ELP4: variants seen among roughly 807,000 people sequenced by gnomAD.
ELP4 encodes the protein elongator complex protein 4.
Under a neutral mutation model 48.9 loss-of-function variants are expected in ELP4, and 51 were observed. The observed-to-expected ratio is 1.04, with a 90% CI of 0.83 to 1.32. ELP4 has a LOEUF of 1.32. ELP4 is among the 40% of genes most tolerant of loss of function. The pLI is 0.00. For synonymous variants in ELP4, 210 were observed against 189.2 expected (o/e 1.11, Z -0.90); for missense variants, 519 against 514.6 (o/e 1.01, Z -0.08).
intron 9 of ELP4, among the ~76,000 whole-genome samples, chr11:31,669,603 A>G (rs1038689045): frequency 6.6e-6 from 1 of 152,164 alleles, no homozygotes; most frequent in African/African-American, 2.4e-5. Flanking sequence ...GTCTGTCTTC[A>G]CCATACCATA....
intron 7 of ELP4, among the ~76,000 whole-genome samples, chr11:31,635,471 C>T (rs576644980): frequency 3.3e-5 from 5 of 152,028 alleles, no homozygotes; most frequent in East Asian, 3.9e-4. Flanking sequence ...ATAATCTTAA[C>T]GCCACTGTGC....
At chr11:31,755,942 A>G (rs200789741) in intron 9 of ELP4, among the ~76,000 whole-genome samples, 2 of 152,182 alleles carry the variant, frequency 1.3e-5, no homozygotes, top group East Asian at 3.8e-4. Context: ...TAGGAGACAA[A>G]TGATATCAGC....
intron 3 of ELP4, among the ~76,000 whole-genome samples, chr11:31,581,953 T>C (rs181736002): frequency 1.1e-4 from 16 of 152,206 alleles, no homozygotes; most frequent in African/African-American, 3.9e-4. Flanking sequence ...AGGATCTCAC[T>C]GTTTTGCCCA....
At chr11:31,739,511 G>A (rs1044155914) in intron 9 of ELP4, among the ~76,000 whole-genome samples, 2 of 152,034 alleles carry the variant, frequency 1.3e-5, no homozygotes, top group Non-Finnish European at 2.9e-5. Flanking sequence ...AGTGTTTTTT[G>A]TTGGTGTGTA....
intron 9 of ELP4, among the ~76,000 whole-genome samples, chr11:31,753,736 A>G (rs886178091): frequency 1.3e-5 from 2 of 152,242 alleles, no homozygotes; most frequent in Non-Finnish European, 2.9e-5. Context: ...ATAAGTTACA[A>G]AATGATACAT....
chr11:31,518,187 A>G (rs1293348449), intron 1 of ELP4, among the ~76,000 whole-genome samples: 1 of 148,424 alleles, frequency 6.7e-6, no homozygotes, highest in Non-Finnish European at 1.5e-5. Context: ...GCTCAGTGCG[A>G]CCTCCACCTT....
chr11:31,760,136 A>G (rs1183321062), intron 9 of ELP4, among the ~76,000 whole-genome samples: 2 of 152,228 alleles, frequency 1.3e-5, no homozygotes, highest in Non-Finnish European at 2.9e-5. Flanking sequence ...GATGGACTCT[A>G]TATCACATAA....
rs1183563791 is a variant in ELP4, at chr11:31,652,289, A to G, written c.1143+2068A>G. The G allele has an allele frequency of 2.6e-5, 4 of 151,734 alleles. No homozygotes were observed. In the East Asian group the frequency reaches 7.7e-4, roughly 29 times the overall value. 9.4% of individuals were successfully genotyped at this position (151,734 alleles called of 1,614,324 possible). A position where few individuals can be genotyped will look rare whatever the true frequency, so the allele number is the denominator to read the frequency against. ...TTATTTACTTAAGCCATAATACTCA[A>G]TTTAGTGATTAGAAAAAATAAAAAT... On this transcript the variant is annotated intron_variant, in intron 9 of 9. Transcript: ENST00000640961.
intron 9 of ELP4, among the ~76,000 whole-genome samples, chr11:31,758,974 A>G (rs1401553880): frequency 6.6e-6 from 1 of 152,172 alleles, no homozygotes; most frequent in Non-Finnish European, 1.5e-5. Context: ...TAACAAGCTC[A>G]TGTCATATTA....
At chr11:31,746,534 T>C (rs1478789881) in intron 9 of ELP4, among the ~76,000 whole-genome samples, 2 of 152,154 alleles carry the variant, frequency 1.3e-5, no homozygotes, top group African/African-American at 4.8e-5. Context: ...GTGGCACATA[T>C]ACATCATGGA....
At chr11:31,529,993 A>G (rs548309019) in intron 2 of ELP4, among the ~76,000 whole-genome samples, 4 of 152,306 alleles carry the variant, frequency 2.6e-5, no homozygotes, top group Admixed American at 6.5e-5. Flanking sequence ...CAGACAGGCA[A>G]TTACAGAAAC....
intron 5 of ELP4, among the ~76,000 whole-genome samples, chr11:31,605,297 G>C (rs1427470950): frequency 6.6e-6 from 1 of 151,988 alleles, no homozygotes; most frequent in East Asian, 1.9e-4. Flanking sequence ...AGGGAGAAGA[G>C]GAAATACCAC....
At chr11:31,733,230 ATTTGG>A (rs202066747) in intron 9 of ELP4, among the ~76,000 whole-genome samples, 3,350 of 152,170 alleles carry the variant, frequency 0.022, 47 homozygotes, top group Middle Eastern at 0.058. Flanking sequence ...AATCTCAGCA[ATTTGG>A]GAGGCTGAGG....
At chr11:31,688,719 T>C (rs551077483) in intron 9 of ELP4, among the ~76,000 whole-genome samples, 1 of 152,270 alleles carries the variant, frequency 6.6e-6, no homozygotes, top group Non-Finnish European at 1.5e-5. Context: ...GCTATTATTT[T>C]ACTAATATGC....
intron 4 of ELP4, chr11:31,600,349 A>T (rs777391129): frequency 6.6e-6 from 1 of 152,114 alleles, no homozygotes; most frequent in Non-Finnish European, 1.5e-5. Context: ...TAATTTTCTC[A>T]GTATTGTAGA....
At chr11:31,649,267 A>G (rs1487223526) in intron 8 of ELP4, 1 of 151,662 alleles carries the variant, frequency 6.6e-6, no homozygotes. Context: ...TCAAATCTGT[A>G]ATTTGCCTTT....
intron 2 of ELP4, among the ~76,000 whole-genome samples, chr11:31,520,577 CCTT>C: frequency 6.6e-6 from 1 of 152,008 alleles, no homozygotes; most frequent in African/African-American, 2.4e-5. Context: ...TAATTGCCTT[CCTT>C]CTTTTTTAGT....
At chr11:31,748,958 A>G (rs1947658176) in intron 9 of ELP4, among the ~76,000 whole-genome samples, 2 of 152,202 alleles carry the variant, frequency 1.3e-5, no homozygotes, top group African/African-American at 4.8e-5. Flanking sequence ...TGATATAATT[A>G]AGTTCATTAG....
chr11:31,789,115 C>T lies in ELP4; in HGVS notation c.*5591C>T, dbSNP rs1003505482. ...ACCGTGAACAGTAATACAACTATAT[C>T]TAAGAACAATTAACTTTTGCTGGCC... On this transcript the variant is annotated 3_prime_UTR_variant, in exon 10 of 10. Transcript: ENST00000640961. The T allele has an allele frequency of 1.5e-5, 3 of 202,858 alleles. No individual in the cohort carries two copies. The highest frequency in any genetic ancestry group is 6.9e-5 in the African/African-American group (3 of 43,688). The allele number at this position is 202,858 out of a possible 1,614,324, so 12.6% of individuals were successfully genotyped here. A position where few individuals can be genotyped will look rare whatever the true frequency, so the allele number is the denominator to read the frequency against.
Sources: allele counts gnomAD v4.1 joint callset (sites outside exome capture counted in the v4.1 genomes callset), GRCh38; gene constraint gnomAD v4.1.1; transcripts MANE v1.5; gene names NCBI Gene and HGNC (gene_info 2026-07-23, HGNC 2026-07-21).